Variants in BMP2K observed in about 807,000 individuals in gnomAD.
The protein encoded by BMP2K is BMP2 inducible kinase, also known as BMP-2-inducible protein kinase.
Under a neutral mutation model 116.0 loss-of-function variants are expected in BMP2K, and 74 were observed. The observed-to-expected ratio is 0.64, with a 90% CI of 0.53 to 0.77. The LOEUF (loss-of-function observed/expected upper bound fraction) is 0.77. Ranked by LOEUF, BMP2K falls within the 30% of genes least tolerant of loss-of-function variation. BMP2K has a pLI of 0.00. For missense variants in BMP2K, 1,365 were observed against 1,403.6 expected, an observed-to-expected ratio of 0.97 and a Z score of 0.44; for synonymous variants, 486 against 502.5, an observed-to-expected ratio of 0.97 and a Z score of 0.44.
In BMP2K at chr4:78,816,425, A is replaced by C. The variant is rs115856969; in HGVS notation, c.179-9612A>C. Among the ~76,000 whole-genome samples, 1,223 of 152,226 alleles carry C rather than the reference A, an allele frequency of 8.0e-3. 5 individuals are homozygous for C. Among genetic ancestry groups the C allele is most frequent in the Non-Finnish European group, 0.012 (835 of 68,002 alleles). ...GATGATCCTTGGTGAATCAATTTTTAAATATTCTACTCATTTTTTTCTACT... is the reference window on the plus strand; with the variant it reads ...GATGATCCTTGGTGAATCAATTTTTCAATATTCTACTCATTTTTTTCTACT... On this transcript the variant is annotated intron_variant, in intron 1 of 15. Coordinates refer to ENST00000502613, the MANE Select transcript of BMP2K (RefSeq NM_198892.2).
chr4:78,786,331 A>C (rs1727723770), intron 1 of BMP2K, among the ~76,000 whole-genome samples: 1 of 151,646 alleles, frequency 6.6e-6, no homozygotes, highest in Non-Finnish European at 1.5e-5. Flanking sequence ...CAGGCACTGA[A>C]TTTCCCAGCA....
At chr4:78,870,745 A>G (rs768980559) in intron 10 of BMP2K, 38 bp from the exon 11 acceptor site, 1 of 1,566,024 alleles carries the variant, frequency 6.4e-7, no homozygotes, top group African/African-American at 1.4e-5. Context: ...AATTGAAATC[A>G]TTAGTATGTT....
intron 1 of BMP2K, 57 bp from the exon 2 acceptor site, chr4:78,825,980 A>G (rs1345501568): frequency 4.6e-5 from 59 of 1,288,234 alleles, no homozygotes; most frequent in Non-Finnish European, 5.7e-5. Flanking sequence ...ATTATATTAC[A>G]TGATTTTGGC....
At chr4:78,810,077 C>T (rs1451114995) in intron 1 of BMP2K, among the ~76,000 whole-genome samples, 1 of 152,224 alleles carries the variant, frequency 6.6e-6, no homozygotes, top group East Asian at 1.9e-4. Flanking sequence ...ATCCCCCACT[C>T]TGTGGGTTGC....
At chr4:78,794,936 T>C (rs1297551441) in intron 1 of BMP2K, among the ~76,000 whole-genome samples, 1 of 152,196 alleles carries the variant, frequency 6.6e-6, no homozygotes, top group African/African-American at 2.4e-5. Context: ...AGCCACTGCA[T>C]TGGAGGGTAT....
In BMP2K at chr4:78,776,458, C is replaced by T. The variant is rs1213553285; in HGVS notation, c.-86C>T. 21 of 1,088,728 alleles carry T rather than the reference C, an allele frequency of 1.9e-5. No homozygotes were observed. Among genetic ancestry groups the T allele is most frequent in the South Asian group, 8.7e-5 (2 of 22,994 alleles). 67.4% of individuals were successfully genotyped at this position (1,088,728 alleles called of 1,614,324 possible). A position where few individuals can be genotyped will look rare whatever the true frequency, so the allele number is the denominator to read the frequency against. ...GCACGCTCGGACGGGCCAGGGGCGG[C>T]GACCCCTCGCGGACGCCCGGCTGCG... On this transcript the variant is annotated 5_prime_UTR_variant, in exon 1 of 16. Coordinates refer to ENST00000502613, the MANE Select transcript of BMP2K (RefSeq NM_198892.2).
At chr4:78,817,445 G>C (rs1429059193) in intron 1 of BMP2K, among the ~76,000 whole-genome samples, 1 of 152,138 alleles carries the variant, frequency 6.6e-6, no homozygotes, top group Admixed American at 6.5e-5. Flanking sequence ...AAAGTGCTAC[G>C]CTTACAATTA....
intron 1 of BMP2K, among the ~76,000 whole-genome samples, chr4:78,815,149 G>T (rs1359918908): frequency 6.6e-6 from 1 of 152,042 alleles, no homozygotes; most frequent in African/African-American, 2.4e-5. Context: ...TTCATTTTTA[G>T]ACCACTATGG....
At chr4:78,853,701 G>C (rs943488197) in intron 7 of BMP2K, among the ~76,000 whole-genome samples, 3 of 152,090 alleles carry the variant, frequency 2.0e-5, no homozygotes, top group African/African-American at 7.2e-5. Flanking sequence ...TCCCTGTTTG[G>C]TATGGAACAT....
intron 1 of BMP2K, among the ~76,000 whole-genome samples, chr4:78,824,224 G>C (rs767838628): frequency 2.2e-4 from 34 of 152,196 alleles, no homozygotes; most frequent in Non-Finnish European, 4.6e-4. Flanking sequence ...AAGTTGTAGA[G>C]AATCTGGAAA....
chr4:78,786,075 A>G (rs1423316356), intron 1 of BMP2K, among the ~76,000 whole-genome samples: 1 of 152,072 alleles, frequency 6.6e-6, no homozygotes, highest in Non-Finnish European at 1.5e-5. Context: ...TATTTTCTGC[A>G]CTTCTCTCAA....
intron 1 of BMP2K, among the ~76,000 whole-genome samples, chr4:78,796,822 G>A (rs907970990): frequency 5.9e-5 from 9 of 152,178 alleles, no homozygotes; most frequent in Non-Finnish European, 8.8e-5. Context: ...AGTAATATTA[G>A]AGAACTAAAT....
intron 10 of BMP2K, among the ~76,000 whole-genome samples, chr4:78,866,615 A>G (rs1478421474): frequency 6.6e-6 from 1 of 152,238 alleles, no homozygotes; most frequent in African/African-American, 2.4e-5. Context: ...CTATCAAGTA[A>G]AGTATATGTT....
intron 7 of BMP2K, 199 bp from the exon 8 acceptor site, chr4:78,859,385 C>CG: frequency 2.5e-6 from 1 of 392,792 alleles, no homozygotes; most frequent in Non-Finnish European, 4.5e-6. Flanking sequence ...TGTGATTGAT[C>CG]TACCCTTAGC....
chr4:78,873,717 C>T lies in BMP2K; in HGVS notation c.1793+919C>T, dbSNP rs537762499. The stretch of plus-strand genomic sequence containing the variant: ...GTGTGTGTGTGTGTATGCATGCATG[C>T]ATGTGTGTGCACATGTGCAAGAGAC... On this transcript the variant is annotated intron_variant, in intron 13 of 15. Coordinates refer to ENST00000502613, the MANE Select transcript of BMP2K (RefSeq NM_198892.2). Among the ~76,000 whole-genome samples the T allele has an allele frequency of 1.4e-3, 205 of 146,646 alleles. 1 individual carries two copies. Among genetic ancestry groups the T allele is most frequent in the African/African-American group, 4.9e-3 (198 of 40,480 alleles).
intron 1 of BMP2K, among the ~76,000 whole-genome samples, chr4:78,786,575 G>A (rs1050981859): frequency 2.6e-5 from 4 of 152,034 alleles, no homozygotes; most frequent in Non-Finnish European, 5.9e-5. Context: ...TGGGACAATA[G>A]GCATGTGCCA....
chr4:78,831,429 T>C (rs542056970), intron 2 of BMP2K, among the ~76,000 whole-genome samples: 1 of 152,374 alleles, frequency 6.6e-6, no homozygotes, highest in African/African-American at 2.4e-5. Context: ...TTGTGTAAAA[T>C]GCAGTATCTG....
chr4:78,858,047 T>TGTG, intron 7 of BMP2K, among the ~76,000 whole-genome samples: 1 of 152,130 alleles, frequency 6.6e-6, no homozygotes, highest in African/African-American at 2.4e-5. Flanking sequence ...TGTGTGCCAC[T>TGTG]TCAAGTTCTT....
At chr4:78,844,693 A>G (rs1730914042) in intron 4 of BMP2K, among the ~76,000 whole-genome samples, 1 of 151,548 alleles carries the variant, frequency 6.6e-6, no homozygotes, top group Admixed American at 6.6e-5. Flanking sequence ...GCTCCCATTC[A>G]TTTGACCTTC....
Sources: allele counts gnomAD v4.1 joint callset (sites outside exome capture counted in the v4.1 genomes callset), GRCh38; gene constraint gnomAD v4.1.1; transcripts MANE v1.5; gene names NCBI Gene and HGNC (gene_info 2026-07-23, HGNC 2026-07-21).